The following ZNF704 variants were observed in gnomAD, a reference collection of about 807,000 sequenced individuals.
ZNF704 encodes glucocorticoid induced gene 1.
A neutral mutation model predicts 44.7 loss-of-function variants in ZNF704; 10 were observed. The ratio of observed to expected loss-of-function variants is 0.22; its 90% CI spans 0.14 to 0.38. The LOEUF is 0.38. Ranked by LOEUF, ZNF704 falls within the 10% of genes least tolerant of loss-of-function variation. ZNF704 has a pLI of 1.00. For synonymous variants in ZNF704, 211 were observed against 207.6 expected, an observed-to-expected ratio of 1.02 and a Z score of -0.14; for missense variants, 390 against 545.5, an observed-to-expected ratio of 0.71 and a Z score of 2.84.
chr8:80,789,282 T>G (rs1386504556), intron 2 of ZNF704, among the ~76,000 whole-genome samples: 1 of 152,168 alleles, frequency 6.6e-6, no homozygotes, highest in Non-Finnish European at 1.5e-5. Flanking sequence ...CACAGCATAA[T>G]TAGTATGGTC....
chr8:80,682,040 T>G (rs73692000), intron 4 of ZNF704, among the ~76,000 whole-genome samples: 4 of 152,146 alleles, frequency 2.6e-5, no homozygotes, highest in African/African-American at 9.7e-5. Flanking sequence ...GTTCTTAGCA[T>G]CGCCCTCCCC....
At chr8:80,867,998 T>C (rs1044436048) in intron 1 of ZNF704, among the ~76,000 whole-genome samples, 2 of 152,224 alleles carry the variant, frequency 1.3e-5, no homozygotes, top group Non-Finnish European at 2.9e-5. Context: ...CTCTAGATTC[T>C]TGTGTTCTTA....
intron 4 of ZNF704, among the ~76,000 whole-genome samples, chr8:80,685,443 G>A (rs1451413919): frequency 3.3e-5 from 5 of 152,216 alleles, no homozygotes; most frequent in Middle Eastern, 3.4e-3. Context: ...TTGAGTGTTC[G>A]AACTACACAC....
chr8:80,786,796 G>T (rs1417631490), intron 2 of ZNF704, among the ~76,000 whole-genome samples: 1 of 152,104 alleles, frequency 6.6e-6, no homozygotes, highest in Non-Finnish European at 1.5e-5. Context: ...CGATAGCCCA[G>T]ATTTAAAGCA....
At chr8:80,779,964 T>C (rs1009857626) in intron 2 of ZNF704, among the ~76,000 whole-genome samples, 3 of 151,894 alleles carry the variant, frequency 2.0e-5, no homozygotes, top group African/African-American at 7.2e-5. Flanking sequence ...GGCTCAGAGA[T>C]TCATCCCTAG....
chr8:80,792,597 G>A (rs1019882346), intron 2 of ZNF704, among the ~76,000 whole-genome samples: 21 of 152,188 alleles, frequency 1.4e-4, no homozygotes, highest in African/African-American at 5.1e-4. Flanking sequence ...CTCCTGTCGT[G>A]CTAGCAGATT....
At chr8:80,703,676 T>C (rs1236073425) in intron 2 of ZNF704, among the ~76,000 whole-genome samples, 6 of 152,150 alleles carry the variant, frequency 3.9e-5, no homozygotes, top group Non-Finnish European at 4.4e-5. Flanking sequence ...GGTCTCACTA[T>C]GTTGCCCAGG....
chr8:80,776,149 AAATAATAAG>A (rs1297303286), intron 2 of ZNF704, among the ~76,000 whole-genome samples: 2 of 152,146 alleles, frequency 1.3e-5, no homozygotes, highest in African/African-American at 4.8e-5. Flanking sequence ...TCACTTCTAT[AAATAATAAG>A]AGTGACAAGT....
chr8:80,817,824 AAGATT>A, intron 2 of ZNF704, among the ~76,000 whole-genome samples: 1 of 152,208 alleles, frequency 6.6e-6, no homozygotes, highest in Non-Finnish European at 1.5e-5. Flanking sequence ...TTAAAACTAA[AAGATT>A]TTCCTTTAAT....
At chr8:80,838,206 T>C (rs1808613580) in intron 1 of ZNF704, among the ~76,000 whole-genome samples, 1 of 152,154 alleles carries the variant, frequency 6.6e-6, no homozygotes, top group Non-Finnish European at 1.5e-5. Context: ...AAATAGTTCA[T>C]TGCAGCTGGC....
intron 1 of ZNF704, among the ~76,000 whole-genome samples, chr8:80,873,152 C>T (rs1254324314): frequency 1.3e-5 from 2 of 152,132 alleles, no homozygotes; most frequent in East Asian, 1.9e-4. Context: ...ACACTCCTTC[C>T]TTGGGGGAGA....
chr8:80,844,044 T>G (rs370675939), intron 1 of ZNF704, among the ~76,000 whole-genome samples: 3 of 151,474 alleles, frequency 2.0e-5, no homozygotes, highest in African/African-American at 7.3e-5. Context: ...TTCATGGAGC[T>G]TACAATGCAG....
intron 2 of ZNF704, among the ~76,000 whole-genome samples, chr8:80,789,472 T>C (rs1189663584): frequency 6.6e-6 from 1 of 152,122 alleles, no homozygotes; most frequent in African/African-American, 2.4e-5. Flanking sequence ...ATAGGCTGGG[T>C]GTGGTGGCTC....
intron 2 of ZNF704, among the ~76,000 whole-genome samples, chr8:80,760,363 TAAAG>T (rs1807106756): frequency 6.6e-6 from 1 of 152,072 alleles, no homozygotes; most frequent in East Asian, 1.9e-4. Context: ...TGCATTGCTA[TAAAG>T]AAATACCTGG....
chr8:80,645,864 ATGTT>A (rs1244570033), intron 7 of ZNF704, among the ~76,000 whole-genome samples: 1 of 152,096 alleles, frequency 6.6e-6, no homozygotes, highest in Non-Finnish European at 1.5e-5. Flanking sequence ...TATGGCTTGA[ATGTT>A]TGTCCCCTCC....
At chr8:80,842,487 A>G (rs971679536) in intron 1 of ZNF704, among the ~76,000 whole-genome samples, 2 of 152,210 alleles carry the variant, frequency 1.3e-5, no homozygotes, top group African/African-American at 4.8e-5. Flanking sequence ...GGGATCGCAC[A>G]CACAGAGAAA....
At chr8:80,783,410 T>C (rs116420315) in intron 2 of ZNF704, among the ~76,000 whole-genome samples, 2,538 of 152,282 alleles carry the variant, frequency 0.017, 73 homozygotes, top group African/African-American at 0.058. Flanking sequence ...GGTGGTTTGC[T>C]GCACAGATAA....
upstream of ZNF704, among the ~76,000 whole-genome samples, chr8:80,876,446 G>A (rs1586093622): frequency 6.6e-6 from 1 of 152,208 alleles, no homozygotes; most frequent in African/African-American, 2.4e-5. Context: ...TTAGAGTGAG[G>A]CAGCAGGATC....
chr8:80,851,615 C>T (rs1236065989), intron 1 of ZNF704, among the ~76,000 whole-genome samples: 1 of 151,738 alleles, frequency 6.6e-6, no homozygotes, highest in East Asian at 1.9e-4. Context: ...AGGAGATACA[C>T]CTAATGCTAA....
Sources: allele counts gnomAD v4.1 joint callset (sites outside exome capture counted in the v4.1 genomes callset), GRCh38; gene constraint gnomAD v4.1.1; transcripts MANE v1.5; gene names NCBI Gene and HGNC (gene_info 2026-07-23, HGNC 2026-07-21).